DGKD: variants seen among roughly 807,000 people sequenced by gnomAD.
DGKD encodes diacylglycerol kinase delta, also known as DAG kinase delta.
DGKD carries 68 observed loss-of-function variants against 154.4 expected under a neutral mutation model. That is an observed-to-expected ratio of 0.44 (90% confidence interval 0.36 to 0.54). The LOEUF (loss-of-function observed/expected upper bound fraction) is 0.54. DGKD is among the 20% of genes least tolerant of loss of function. The pLI, the probability that DGKD is intolerant of heterozygous loss-of-function variation, is 0.00. For missense variants in DGKD, 1,343 were observed against 1,593.6 expected (o/e 0.84, Z 2.68); for synonymous variants, 693 against 638.0 (o/e 1.09, Z -1.30).
At chr2:233,402,990 A>C (rs1356596897) in intron 3 of DGKD, among the ~76,000 whole-genome samples, 1 of 152,192 alleles carries the variant, frequency 6.6e-6, no homozygotes, top group Non-Finnish European at 1.5e-5. Flanking sequence ...TACAAAGTAC[A>C]GTTAGAGTGG....
At position 233,437,445 on chromosome 2, in the gene DGKD, C is replaced by T. The variant is rs1369207997; in HGVS notation, c.888C>T (p.Ile296=). 2 of 1,614,212 alleles carry T rather than the reference C, an allele frequency of 1.2e-6. No homozygotes were observed. Among genetic ancestry groups the T allele is most frequent in the Non-Finnish European group, 1.7e-6 (2 of 1,180,044 alleles). The change falls in exon 8 of 30, where the codon ATC becomes ATT. Residue 296 remains isoleucine (I), a synonymous_variant. Transcript: ENST00000264057. ...TTGGCCTGTGCAAAGTGTCAGTCAT[C>T]CCACCCACGGCTCTCAACAGCATCG... ...CPLGLCKVSV[I]PPTALNSIDS...
At chr2:233,393,989 T>TA (rs1198512484) in intron 3 of DGKD, among the ~76,000 whole-genome samples, 2 of 152,212 alleles carry the variant, frequency 1.3e-5, no homozygotes, top group African/African-American at 4.8e-5. Context: ...TATTAGTTTT[T>TA]ATCTGTTGTA....
At chr2:233,429,746 C>T (rs137972606) in intron 3 of DGKD, among the ~76,000 whole-genome samples, 18 of 152,342 alleles carry the variant, frequency 1.2e-4, no homozygotes, top group African/African-American at 3.8e-4. Flanking sequence ...AGAAGGCAGA[C>T]GGCCCCTCCG....
At chr2:233,396,009 C>T (rs1185686980) in intron 3 of DGKD, among the ~76,000 whole-genome samples, 4 of 152,154 alleles carry the variant, frequency 2.6e-5, no homozygotes, top group African/African-American at 9.7e-5. Flanking sequence ...TGAAAAAGGA[C>T]TGAAGAACAT....
intron 3 of DGKD, among the ~76,000 whole-genome samples, chr2:233,431,355 G>A (rs2062504192): frequency 6.6e-6 from 1 of 152,204 alleles, no homozygotes; most frequent in Non-Finnish European, 1.5e-5. Context: ...GATACTCCAC[G>A]TTCATGGACT....
chr2:233,432,446 T>C (rs2062557276), intron 3 of DGKD, among the ~76,000 whole-genome samples: 2 of 150,864 alleles, frequency 1.3e-5, no homozygotes, highest in South Asian at 4.2e-4. Flanking sequence ...GATCATGAGG[T>C]CAGGAGATCG....
In DGKD at chr2:233,446,768, T is replaced by C; in HGVS notation, c.1391T>C (p.Val464Ala). Residue 464 changes from valine (V) to alanine (A), a missense_variant, in exon 12 of 30, where the codon GTC (valine) becomes GCC (alanine). Val to Ala is a moderately conservative substitution (Grantham distance 64). This residue lies in a region of DGKD where 409 missense variants were observed against 446.0 expected (regional missense o/e 0.92). Coordinates refer to ENST00000264057, the MANE Select transcript of DGKD (RefSeq NM_152879.3). ...KLPRQASSST[V>A]TEDFSEDSEV... ...CCCCGGCAGGCCTCCTCCTCTACCG[T>C]CACCGAAGACTTCAGCGAGGATTCC... 1.2e-6 allele frequency: 2 copies of C among 1,614,190 alleles called. No homozygotes were observed. The highest frequency in any genetic ancestry group is 2.2e-5 in the East Asian group (1 of 44,878).
Position 233,462,434 on chromosome 2 carries a change from T to A in DGKD, c.3068T>A (p.Val1023Glu). The A allele has an allele frequency of 6.2e-7, 1 of 1,600,674 alleles. No individual in the cohort carries two copies. The highest frequency in any genetic ancestry group is 8.5e-7 in the Non-Finnish European group (1 of 1,169,602). The change falls in exon 25 of 30, where the codon GTG (valine) becomes GAG (glutamate). Residue 1023 changes from valine (V) to glutamate (E), a missense_variant. By Grantham distance (121) the Val-to-Glu change is moderately radical. Coordinates refer to ENST00000264057, the MANE Select transcript of DGKD (RefSeq NM_152879.3). ...VNASSKSMDR[V>E]YGKPRTTEGL... is the part of the protein sequence containing the mutation. ...GCCAGCTCCAAGTCCATGGACCGTG[T>A]GTATGGCAAGCCCAGAACCACAGAG...
chr2:233,438,128 G>GT lies in DGKD; in HGVS notation c.923-89_923-88insT, dbSNP rs899955181. On this transcript the variant is annotated intron_variant, in intron 8 of 29. Coordinates refer to ENST00000264057, the MANE Select transcript of DGKD (RefSeq NM_152879.3). The surrounding 1 kb of genome is among the most constrained non-coding windows in gnomAD (Gnocchi z 4.1). The stretch of plus-strand genomic sequence containing the variant: ...TGCATGTGTCAGGTGTGTGTCCTTT[G>GT]GGGGGGTCTGCTGCTGCTGATTCCA... 54 of 1,437,908 alleles carry GT rather than the reference G, an allele frequency of 3.8e-5. No individual in the cohort carries two copies. The highest frequency in any genetic ancestry group is 4.9e-5 in the Non-Finnish European group (51 of 1,046,178). The allele number at this position is 1,437,908 out of a possible 1,614,324, so 89.1% of individuals were successfully genotyped here. A position where few individuals can be genotyped will look rare whatever the true frequency, so the allele number is the denominator to read the frequency against.
At position 233,452,521 on chromosome 2, in the gene DGKD, ACT is replaced by A. The variant is rs1446192437; in HGVS notation, c.2264+464_2264+465del. On this transcript the variant is annotated intron_variant, in intron 18 of 29. Transcript: ENST00000264057. This position sits in a 1 kb window ranked among gnomAD's most constrained non-coding sequence, Gnocchi z 4.0. The stretch of plus-strand genomic sequence containing the variant: ...CCTTGTTGGTGATGCAGAACCACAG[ACT>A]CTGAGCTGGAGGGTCCTCTGTGTGT... Among the ~76,000 whole-genome samples the A allele has an allele frequency of 6.6e-6, 1 of 151,348 alleles. No homozygotes were observed. Among genetic ancestry groups the A allele is most frequent in the Non-Finnish European group, 1.5e-5 (1 of 67,874 alleles).
In DGKD at chr2:233,459,038, T is replaced by A. The variant is rs138265273; in HGVS notation, c.2694+641T>A. 0.01 allele frequency among the ~76,000 whole-genome samples: 1,556 copies of A among 152,292 alleles called. 17 individuals are homozygous for A. The highest frequency in any genetic ancestry group is 0.028 in the East Asian group (146 of 5,176). On this transcript the variant is annotated intron_variant, in intron 22 of 29. Coordinates refer to ENST00000264057, the MANE Select transcript of DGKD (RefSeq NM_152879.3). The surrounding 1 kb of genome is among the most constrained non-coding windows in gnomAD (Gnocchi z 5.7). ...CCGCAGTGGGGACGGAGCCCATGGCTCTGATGTGGGGTGTGGGAGGATTTC... is the reference window on the plus strand; with the variant it reads ...CCGCAGTGGGGACGGAGCCCATGGCACTGATGTGGGGTGTGGGAGGATTTC...
chr2:233,356,742 T>A (rs576581637), intron 1 of DGKD, among the ~76,000 whole-genome samples: 1 of 152,250 alleles, frequency 6.6e-6, no homozygotes, highest in East Asian at 1.9e-4. Context: ...ACAGATAGCT[T>A]AAGGCTGATT....
At chr2:233,362,216 A>G (rs925199803) in intron 1 of DGKD, among the ~76,000 whole-genome samples, 2 of 152,362 alleles carry the variant, frequency 1.3e-5, no homozygotes, top group African/African-American at 2.4e-5. Context: ...TCAGAAGAAA[A>G]TACCCACAAG....
At position 233,460,746 on chromosome 2, in the gene DGKD, G is replaced by A. The variant is rs149920177; in HGVS notation, c.2981+401G>A. On this transcript the variant is annotated intron_variant, in intron 24 of 29. Transcript: ENST00000264057. ...TCTACTAAAAATACAAAAAAATTTA[G>A]CTGGGTGTGGTGGCGGGCGCCTGTA... Among the ~76,000 whole-genome samples, 297 of 152,210 alleles carry A rather than the reference G, an allele frequency of 2.0e-3. 1 individual carries two copies. The highest frequency in any genetic ancestry group is 5.6e-3 in the Admixed American group (86 of 15,296).
In DGKD at chr2:233,441,182, G is replaced by A. The variant is rs2062873859; in HGVS notation, c.1086-705G>A. On this transcript the variant is annotated intron_variant, in intron 9 of 29. Transcript: ENST00000264057. The surrounding 1 kb of genome is among the most constrained non-coding windows in gnomAD (Gnocchi z 5.6). ...ATGAGGAGTGAGCAGAAGCGGCACTGGTCTCCTGAGTGGGGACGCTGCTGG... is the reference window on the plus strand; with the variant it reads ...ATGAGGAGTGAGCAGAAGCGGCACTAGTCTCCTGAGTGGGGACGCTGCTGG... Among the ~76,000 whole-genome samples, 1 of 152,136 alleles carries A rather than the reference G, an allele frequency of 6.6e-6. No homozygotes were observed. The highest frequency in any genetic ancestry group is 2.1e-4 in the South Asian group (1 of 4,828).
In DGKD at chr2:233,457,617, C is replaced by A; in HGVS notation, c.2580+289C>A. 2 of 548,500 alleles carry A rather than the reference C, an allele frequency of 3.6e-6. No homozygotes were observed. The highest frequency in any genetic ancestry group is 7.0e-6 in the Non-Finnish European group (2 of 286,266). The allele number at this position is 548,500 out of a possible 1,614,324, so 34.0% of individuals were successfully genotyped here. On this transcript the variant is annotated intron_variant, in intron 21 of 29. Transcript: ENST00000264057. This position sits in a 1 kb window ranked among gnomAD's most constrained non-coding sequence, Gnocchi z 5.5. ...AGGGAAGGTGTCTGGGAGGCCAAGA[C>A]CTGAAGGATGAGTTGGAGTTGGCTA...
chr2:233,360,927 C>T (rs1433187885), intron 1 of DGKD, among the ~76,000 whole-genome samples: 6 of 151,194 alleles, frequency 4.0e-5, no homozygotes, highest in African/African-American at 4.9e-5. Context: ...AGAGGGAGTG[C>T]GGCCTTCTGA....
chr2:233,421,439 T>C (rs1239137684), intron 3 of DGKD, among the ~76,000 whole-genome samples: 1 of 152,226 alleles, frequency 6.6e-6, no homozygotes, highest in Non-Finnish European at 1.5e-5. Flanking sequence ...CTGTCAGCTT[T>C]CAATAAAGCA....
At chr2:233,407,666 C>T (rs937651058) in intron 3 of DGKD, among the ~76,000 whole-genome samples, 1 of 152,162 alleles carries the variant, frequency 6.6e-6, no homozygotes, top group Non-Finnish European at 1.5e-5. Flanking sequence ...ACTTGGGAGG[C>T]TGAGGCGGGA....
Sources: allele counts gnomAD v4.1 joint callset (sites outside exome capture counted in the v4.1 genomes callset), GRCh38; gene constraint gnomAD v4.1.1; regional missense constraint gnomAD v4.1.1; non-coding constraint Gnocchi (gnomAD v3.1); transcripts MANE v1.5; gene names NCBI Gene and HGNC (gene_info 2026-07-23, HGNC 2026-07-21).